MYO1F: variants seen among roughly 807,000 people sequenced by gnomAD.
The protein encoded by MYO1F is myosin IF, also known as unconventional myosin-If.
MYO1F carries 60 observed loss-of-function variants against 146.6 expected under a neutral mutation model. The observed-to-expected ratio is 0.41, with a 90% CI of 0.33 to 0.51. MYO1F has a LOEUF of 0.51. Among genes scored for constraint, MYO1F ranks in the 20% least tolerant of loss-of-function variants. MYO1F has a pLI of 0.25. For missense variants in MYO1F, 1,274 were observed against 1,534.3 expected (o/e 0.83, Z 2.83); for synonymous variants, 602 against 602.1 (o/e 1.00, Z 0.00).
chr19:8,553,286 G>A, intron 5 of MYO1F, 58 bp from the exon 6 acceptor site: 2 of 1,598,920 alleles, frequency 1.3e-6, no homozygotes, highest in Admixed American at 1.7e-5. Flanking sequence ...GTGCAGATGG[G>A]TGGGGCTGCA....
At chr19:8,543,927 G>GTGGTGGTGGTGGTGCTGGTGGTGC (rs1973180151) in intron 14 of MYO1F, 1 of 251,388 alleles carries the variant, frequency 4.0e-6, no homozygotes, top group Non-Finnish European at 7.0e-6. Context: ...GGTGGTGGTG[G>GTGGTGGTGGTGGTGCTGGTGGTGC]TGGTGGTGGT....
rs1039612559 is a variant in MYO1F, at chr19:8,551,880, G to C, written c.637-6C>G. On this transcript the variant is annotated splice_polypyrimidine_tract_variant and splice_region_variant and intron_variant, in intron 7 of 27. Transcript: ENST00000644032. ...TGGGAGGCCCCTTCCAGCAGCTGGAGGGTGTGCCATGTTCATGCATCTGGT... is the reference window on the plus strand; with the variant it reads ...TGGGAGGCCCCTTCCAGCAGCTGGACGGTGTGCCATGTTCATGCATCTGGT... 10 of 1,613,976 alleles carry C rather than the reference G, an allele frequency of 6.2e-6. No individual in the cohort carries two copies. Among genetic ancestry groups the C allele is most frequent in the Non-Finnish European group, 8.5e-6 (10 of 1,180,030 alleles).
chr19:8,521,565 T>C lies in MYO1F; in HGVS notation c.3260A>G (p.Glu1087Gly). 6.2e-7 allele frequency: 1 copy of C among 1,614,156 alleles called. No individual in the cohort carries two copies. The highest frequency in any genetic ancestry group is 8.5e-7 in the Non-Finnish European group (1 of 1,180,010). ...GWWKGRLHGQ[E>G]GLFPGNYVEK... is the part of the protein sequence containing the mutation. The stretch of plus-strand genomic sequence containing the variant: ...CACGTAGTTTCCTGGGAAAAGGCCC[T>C]CCTGGCCGTGAAGCCGGCCCTTCCA... The change falls in exon 28 of 28, where the codon GAG becomes GGG. Residue 1087 changes from glutamate to glycine, a missense_variant. Physicochemically the swap from Glu to Gly is moderately conservative, Grantham distance 98. Coordinates refer to ENST00000644032, the MANE Select transcript of MYO1F (RefSeq NM_012335.4).
At chr19:8,562,074 G>A (rs776267879) in intron 1 of MYO1F, among the ~76,000 whole-genome samples, 9 of 150,282 alleles carry the variant, frequency 6.0e-5, no homozygotes, top group South Asian at 2.1e-4. Context: ...TTGCTCTGTC[G>A]CCCAGGCTGA....
rs773405214 is a variant in MYO1F at position 8,544,404 on chromosome 19, C to G, written c.1417G>C (p.Gly473Arg). 5 of 1,612,782 alleles carry G rather than the reference C, an allele frequency of 3.1e-6. No homozygotes were observed. The highest frequency in any genetic ancestry group is 1.3e-5 in the African/African-American group (1 of 74,878). Reference protein sequence around the residue: ...DVCATMHATGGGADQTLLQKL... With the variant: ...DVCATMHATGRGADQTLLQKL... The stretch of plus-strand genomic sequence containing the variant: ...TGCAGCAGTGTCTGGTCTGCTCCCC[C>G]GCCCGTGGCGTGCATGGTGGCGCAC... The change falls in exon 14 of 28, where the codon GGG (glycine) becomes CGG (arginine). Residue 473 changes from glycine (G) to arginine (R), a missense_variant. By Grantham distance (125) the Gly-to-Arg change is moderately radical. Coordinates refer to ENST00000644032, the MANE Select transcript of MYO1F (RefSeq NM_012335.4).
At chr19:8,536,912 G>C in intron 17 of MYO1F, 37 bp downstream of exon 17, 1 of 1,361,470 alleles carries the variant, frequency 7.3e-7, no homozygotes, top group Non-Finnish European at 1.0e-6. Context: ...TGCAGGGCCT[G>C]GGGGGAATGA....
chr19:8,555,343 C>G, intron 2 of MYO1F: 1 of 303,200 alleles, frequency 3.3e-6, no homozygotes, highest in South Asian at 3.0e-5. Context: ...ACACTCCAGC[C>G]TGGAACCTGG....
intron 12 of MYO1F, 50 bp downstream of exon 12, chr19:8,547,986 A>ACCCCCCCCCCCCCCCC: frequency 1.2e-6 from 1 of 837,524 alleles, no homozygotes; most frequent in Non-Finnish European, 2.1e-6. Flanking sequence ...TGGTCCTTCC[A>ACCCCCCCCCCCCCCCC]CCCCACCCCC....
chr19:8,525,199 CAAAAAAAAA>C (rs60806727), intron 25 of MYO1F: 2 of 80,384 alleles, frequency 2.5e-5, no homozygotes, highest in African/African-American at 7.0e-5. Flanking sequence ...GACTCCATCT[CAAAAAAAAA>C]AAAAAAAAAA....
At chr19:8,564,448 G>T (rs1348431468) in intron 1 of MYO1F, among the ~76,000 whole-genome samples, 1 of 152,086 alleles carries the variant, frequency 6.6e-6, no homozygotes, top group Non-Finnish European at 1.5e-5. Context: ...TGCGTCAGGA[G>T]ATGACAGAAT....
chr19:8,562,901 A>G (rs1173401980), intron 1 of MYO1F, among the ~76,000 whole-genome samples: 1 of 152,134 alleles, frequency 6.6e-6, no homozygotes, highest in East Asian at 1.9e-4. Context: ...AATGACCTGT[A>G]GGTGGGACTG....
chr19:8,545,366 G>A (rs1973298948), intron 13 of MYO1F: 1 of 415,192 alleles, frequency 2.4e-6, no homozygotes, highest in Non-Finnish European at 4.6e-6. Flanking sequence ...TGGGATTACA[G>A]GCGTGAGCCA....
intron 23 of MYO1F, 27 bp from the exon 24 acceptor site, chr19:8,526,628 G>A (rs1254764073): frequency 8.3e-6 from 13 of 1,573,676 alleles, no homozygotes; most frequent in Non-Finnish European, 1.1e-5. Flanking sequence ...AAGCTTGGGG[G>A]CGCTGGCTGA....
chr19:8,551,031 C>A (rs186819415), intron 8 of MYO1F, among the ~76,000 whole-genome samples: 2 of 149,474 alleles, frequency 1.3e-5, no homozygotes, highest in African/African-American at 5.0e-5. Flanking sequence ...CAGGCGTGAG[C>A]GTCGTGTCCG....
intron 13 of MYO1F, 93 bp from the exon 14 acceptor site, chr19:8,544,557 G>A (rs1973255916): frequency 3.8e-6 from 5 of 1,325,690 alleles, no homozygotes; most frequent in Non-Finnish European, 4.2e-6. Flanking sequence ...GGGAGGGGGT[G>A]GAGGAGTGGA....
intron 21 of MYO1F, among the ~76,000 whole-genome samples, chr19:8,528,447 G>C (rs1393557504): frequency 6.6e-6 from 1 of 152,058 alleles, no homozygotes. Context: ...AGAATTGCTT[G>C]AGCCTGGGAG....
Position 8,522,800 on chromosome 19 carries a change from C to T in MYO1F, c.2884G>A (p.Ala962Thr). 1 of 1,588,520 alleles carries T rather than the reference C, an allele frequency of 6.3e-7. No homozygotes were observed. ...TCCAGGGGCAGGGGGCCCCCTCTGG[C>T]AGAGGGGGGCACCCCATTGCGATCC... ...GMDRNGVPPS[A>T]RGGPLPLEIM... is the part of the protein sequence containing the mutation. The change falls in exon 26 of 28, where the codon GCC becomes ACC. Residue 962 changes from alanine to threonine, a missense_variant. This residue lies in a region of MYO1F where 374 missense variants were observed against 379.2 expected (regional missense o/e 0.99). Coordinates refer to ENST00000644032, the MANE Select transcript of MYO1F (RefSeq NM_012335.4).
intron 24 of MYO1F, 119 bp downstream of exon 24, chr19:8,526,334 C>A (rs1258723797): frequency 9.6e-6 from 14 of 1,463,552 alleles, no homozygotes; most frequent in African/African-American, 2.8e-5. Context: ...CTTAAAAAAA[C>A]CACAAAACTC....
chr19:8,552,999 C>T (rs1973678383), intron 6 of MYO1F, 140 bp downstream of exon 6: 2 of 819,284 alleles, frequency 2.4e-6, no homozygotes, highest in Admixed American at 1.9e-5. Context: ...AGTGAGTCTC[C>T]CCTTCAGGAG....
Sources: gnomAD v4.1 joint callset for allele counts (sites outside exome capture counted in the v4.1 genomes callset) on GRCh38, gnomAD v4.1.1 for gene constraint, gnomAD v4.1.1 regional missense constraint, MANE v1.5 for transcripts, NCBI Gene and HGNC (gene_info 2026-07-23, HGNC 2026-07-21) for gene names.